CNBD1: variants seen among roughly 807,000 people sequenced by gnomAD.
CNBD1 encodes the protein cyclic nucleotide binding domain containing 1, also known as cyclic nucleotide-binding domain-containing protein 1.
In CNBD1, 71 loss-of-function variants were observed where a neutral mutation model predicts 54.4. The observed-to-expected ratio is 1.30, with a 90% CI of 1.08 to 1.59. CNBD1 has a LOEUF of 1.59. Ranked by LOEUF, CNBD1 falls within the 40% of genes most tolerant of loss-of-function variation. CNBD1 has a pLI of 0.00. For synonymous variants in CNBD1, 182 were observed against 170.7 expected (o/e 1.07, Z -0.51); for missense variants, 659 against 518.0 (o/e 1.27, Z -2.64).
At chr8:86,995,460 G>T (rs1327103617) in intron 4 of CNBD1, among the ~76,000 whole-genome samples, 6 of 152,166 alleles carry the variant, frequency 3.9e-5, no homozygotes. Context: ...ATAGATTCCT[G>T]ACCCCTGACA....
At chr8:87,378,592 C>T (rs1315410386) in intron 10 of CNBD1, among the ~76,000 whole-genome samples, 1 of 149,570 alleles carries the variant, frequency 6.7e-6, no homozygotes, top group Non-Finnish European at 1.5e-5. Context: ...TAGTGTGATG[C>T]CTCCAGCTTT....
At chr8:87,017,510 GA>G (rs933901360) in intron 4 of CNBD1, among the ~76,000 whole-genome samples, 11 of 152,142 alleles carry the variant, frequency 7.2e-5, no homozygotes, top group African/African-American at 2.7e-4. Context: ...TATATTAATG[GA>G]AGTAATGTTT....
chr8:87,342,904 C>T (rs889058211), intron 8 of CNBD1, among the ~76,000 whole-genome samples: 12 of 152,148 alleles, frequency 7.9e-5, no homozygotes, highest in Admixed American at 2.6e-4. Flanking sequence ...AGCAGAGAAC[C>T]GGTCTGACTA....
chr8:87,174,502 A>C (rs1201527125), intron 4 of CNBD1, among the ~76,000 whole-genome samples: 1 of 152,064 alleles, frequency 6.6e-6, no homozygotes, highest in Non-Finnish European at 1.5e-5. Flanking sequence ...TAATTTCTTT[A>C]AGTTTCCTCA....
At chr8:87,111,386 A>G (rs1013398384) in intron 4 of CNBD1, among the ~76,000 whole-genome samples, 1 of 152,204 alleles carries the variant, frequency 6.6e-6, no homozygotes, top group Non-Finnish European at 1.5e-5. Flanking sequence ...CTGATCTCAT[A>G]ATGTCGTTAT....
chr8:87,257,794 A>C (rs1352410871), intron 6 of CNBD1, among the ~76,000 whole-genome samples: 1 of 152,200 alleles, frequency 6.6e-6, no homozygotes, highest in African/African-American at 2.4e-5. Flanking sequence ...AAACAATTTC[A>C]GTATCAGCTG....
intron 4 of CNBD1, among the ~76,000 whole-genome samples, chr8:87,159,692 C>G (rs111344375): frequency 9.9e-5 from 15 of 152,130 alleles, no homozygotes; most frequent in African/African-American, 2.6e-4. Context: ...TGAGTAGCAC[C>G]TCTGCAGCCA....
At chr8:87,296,157 A>C (rs1226539964) in intron 8 of CNBD1, among the ~76,000 whole-genome samples, 1 of 152,186 alleles carries the variant, frequency 6.6e-6, no homozygotes, top group African/African-American at 2.4e-5. Context: ...CTAAAACAAT[A>C]TTTTTAATAA....
rs7830906 is a variant in CNBD1 at position 87,324,892 on chromosome 8, A to C, written c.1043-26793A>C. Among the ~76,000 whole-genome samples, 452 of 89,074 alleles carry C rather than the reference A, an allele frequency of 5.1e-3. 82 individuals carry two copies. Among genetic ancestry groups the C allele is most frequent in the Admixed American group, 0.023 (234 of 10,028 alleles). The allele number at this position is 89,074 out of a possible 152,430, so 58.4% of individuals were successfully genotyped here. A position where few individuals can be genotyped will look rare whatever the true frequency, so the allele number is the denominator to read the frequency against. ...CTTTTCTAGTTCTTTTAATTGTGAT[A>C]TTAGGGTGTCAATTTTGGATCTTTC... On this transcript the variant is annotated intron_variant, in intron 8 of 10. Coordinates refer to ENST00000518476, the MANE Select transcript of CNBD1 (RefSeq NM_173538.3).
At chr8:87,277,308 G>C (rs1320399410) in intron 6 of CNBD1, among the ~76,000 whole-genome samples, 2 of 151,684 alleles carry the variant, frequency 1.3e-5, no homozygotes, top group East Asian at 1.9e-4. Flanking sequence ...TGCTATACAG[G>C]CCTTTAACTT....
At chr8:86,927,456 G>A (rs972664909) in intron 3 of CNBD1, among the ~76,000 whole-genome samples, 6 of 152,034 alleles carry the variant, frequency 3.9e-5, no homozygotes, top group African/African-American at 1.2e-4. Flanking sequence ...CTGTTTGAGT[G>A]GACCTGTTTA....
intron 4 of CNBD1, among the ~76,000 whole-genome samples, chr8:87,183,921 C>T (rs923247771): frequency 3.3e-5 from 5 of 152,166 alleles, no homozygotes; most frequent in Non-Finnish European, 7.3e-5. Flanking sequence ...GAGCCTGGGG[C>T]ATTCCCAGTT....
At chr8:87,045,200 G>T (rs1160008735) in intron 4 of CNBD1, among the ~76,000 whole-genome samples, 1 of 152,116 alleles carries the variant, frequency 6.6e-6, no homozygotes, top group Non-Finnish European at 1.5e-5. Context: ...TAGCCTCTAG[G>T]TGAGAGGAAA....
intron 8 of CNBD1, among the ~76,000 whole-genome samples, chr8:87,291,222 T>C (rs904313700): frequency 6.6e-6 from 1 of 152,204 alleles, no homozygotes; most frequent in African/African-American, 2.4e-5. Context: ...TTCATGTTTC[T>C]GCCAACCTGG....
At position 87,235,821 on chromosome 8, in the gene CNBD1, A is replaced by G. The variant is rs79404054; in HGVS notation, c.578-1098A>G. Among the ~76,000 whole-genome samples the G allele has an allele frequency of 5.6e-3, 860 of 152,282 alleles. 6 individuals carry two copies. The highest frequency in any genetic ancestry group is 0.019 in the African/African-American group (787 of 41,570). On this transcript the variant is annotated intron_variant, in intron 5 of 10. Transcript: ENST00000518476. ...GAATCTTTGATGTATAAAAAATGCC[A>G]TATCTGTGAAGCACTGAAAAGCAAA...
At chr8:86,990,564 G>A (rs57057870) in intron 4 of CNBD1, among the ~76,000 whole-genome samples, 3,117 of 152,138 alleles carry the variant, frequency 0.02, 97 homozygotes, top group African/African-American at 0.069. Context: ...CTGCTTTTAT[G>A]CCAGTACCAG....
chr8:87,268,942 C>T (rs527958513), intron 6 of CNBD1, among the ~76,000 whole-genome samples: 1 of 152,064 alleles, frequency 6.6e-6, no homozygotes, highest in South Asian at 2.1e-4. Context: ...TCCTACTTGT[C>T]AAGTTTTGTT....
chr8:86,911,688 A>C (rs1456820317), intron 3 of CNBD1, among the ~76,000 whole-genome samples: 1 of 152,120 alleles, frequency 6.6e-6, no homozygotes, highest in East Asian at 1.9e-4. Flanking sequence ...CTTGTTCATA[A>C]ATGACATGAG....
intron 4 of CNBD1, among the ~76,000 whole-genome samples, chr8:86,943,364 T>TAAAA (rs1807382492): frequency 2.4e-5 from 1 of 41,520 alleles, no homozygotes; most frequent in African/African-American, 1.3e-4. Flanking sequence ...AGACTCCATC[T>TAAAA]CAAAAAAAAA....
Sources: allele counts gnomAD v4.1 joint callset (sites outside exome capture counted in the v4.1 genomes callset), GRCh38; gene constraint gnomAD v4.1.1; transcripts MANE v1.5; gene names NCBI Gene and HGNC (gene_info 2026-07-23, HGNC 2026-07-21).